Variants in SPON1 observed in about 807,000 individuals in gnomAD.
The protein encoded by SPON1 is spondin-1.
SPON1 carries 52 observed loss-of-function variants against 111.7 expected under a neutral mutation model. That is an observed-to-expected ratio of 0.47 (90% CI 0.37 to 0.59). The LOEUF is 0.59. Ranked by LOEUF, SPON1 falls within the 20% of genes least tolerant of loss-of-function variation. The pLI is 0.00. For missense variants in SPON1, 957 were observed against 1,068.5 expected (o/e 0.90, Z 1.46); for synonymous variants, 410 against 395.8 (o/e 1.04, Z -0.43).
chr11:14,109,833 T>C (rs1246645140), intron 5 of SPON1, among the ~76,000 whole-genome samples: 1 of 152,060 alleles, frequency 6.6e-6, no homozygotes, highest in African/African-American at 2.4e-5. Context: ...CTTCTGAGAA[T>C]AAAGGAGGAA....
chr11:14,169,557 A>T (rs1848072246), intron 6 of SPON1, among the ~76,000 whole-genome samples: 1 of 151,330 alleles, frequency 6.6e-6, no homozygotes, highest in Non-Finnish European at 1.5e-5. Flanking sequence ...GGTGTTTTAG[A>T]CATGAAGTCC....
intron 2 of SPON1, among the ~76,000 whole-genome samples, chr11:13,997,170 C>T (rs1554911898): frequency 6.6e-6 from 1 of 152,094 alleles, no homozygotes; most frequent in Non-Finnish European, 1.5e-5. Context: ...CTGGAGGCAG[C>T]CGTTTGGGTT....
intron 2 of SPON1, among the ~76,000 whole-genome samples, chr11:14,017,016 G>A (rs530448358): frequency 4.6e-5 from 7 of 152,112 alleles, no homozygotes; most frequent in Non-Finnish European, 8.8e-5. Context: ...AGATTGCTAC[G>A]GTGTAAGGGA....
chr11:14,037,716 GA>G (rs1163266358), intron 2 of SPON1, among the ~76,000 whole-genome samples: 9 of 152,110 alleles, frequency 5.9e-5, no homozygotes, highest in Admixed American at 2.6e-4. Flanking sequence ...ATCCATGAAA[GA>G]AATAATTGAT....
intron 4 of SPON1, among the ~76,000 whole-genome samples, chr11:14,077,626 T>G (rs1371128201): frequency 6.6e-6 from 1 of 151,562 alleles, no homozygotes; most frequent in African/African-American, 2.4e-5. Flanking sequence ...TGGGGTTTCA[T>G]CTCTACTAAA....
chr11:14,260,553 C>A (rs1554941805), intron 13 of SPON1, 35 bp from the exon 14 acceptor site: 1 of 1,598,852 alleles, frequency 6.3e-7, no homozygotes. Context: ...ACAAAAGGAA[C>A]CTGTTCTCAG....
chr11:14,215,896 A>C (rs1044061145), intron 6 of SPON1, among the ~76,000 whole-genome samples: 7 of 152,192 alleles, frequency 4.6e-5, no homozygotes, highest in African/African-American at 1.7e-4. Flanking sequence ...GGAAAGGGAA[A>C]ATGAGAATTG....
At chr11:14,203,078 T>C (rs562627957) in intron 6 of SPON1, among the ~76,000 whole-genome samples, 1 of 152,222 alleles carries the variant, frequency 6.6e-6, no homozygotes, top group East Asian at 1.9e-4. Flanking sequence ...GGGCGCAAGA[T>C]GTCCTGATTT....
chr11:14,180,381 G>C (rs1388142738), intron 6 of SPON1, among the ~76,000 whole-genome samples: 2 of 152,096 alleles, frequency 1.3e-5, no homozygotes, highest in East Asian at 3.9e-4. Flanking sequence ...CCTTTGCTTT[G>C]GCAATACTGG....
intron 2 of SPON1, among the ~76,000 whole-genome samples, chr11:14,024,539 T>C (rs967722619): frequency 2.0e-5 from 3 of 152,148 alleles, no homozygotes; most frequent in Non-Finnish European, 4.4e-5. Flanking sequence ...GAGTCCGCAT[T>C]GTTCCACCAT....
chr11:13,982,669 G>A (rs1481020262), intron 1 of SPON1, among the ~76,000 whole-genome samples, 178 bp from the exon 2 acceptor site: 2 of 152,184 alleles, frequency 1.3e-5, no homozygotes, highest in Non-Finnish European at 2.9e-5. Flanking sequence ...AAATGTAAGA[G>A]GGAGCTGGGT....
intron 5 of SPON1, among the ~76,000 whole-genome samples, chr11:14,099,151 A>C (rs1296493238): frequency 3.3e-5 from 5 of 152,114 alleles, no homozygotes; most frequent in African/African-American, 1.2e-4. Context: ...CAGTTTTAGA[A>C]TTTTACTTTT....
At chr11:14,202,298 G>A (rs921338765) in intron 6 of SPON1, among the ~76,000 whole-genome samples, 1 of 152,174 alleles carries the variant, frequency 6.6e-6, no homozygotes, top group Non-Finnish European at 1.5e-5. Flanking sequence ...GACGCAGGAC[G>A]CTATTTGCCT....
intron 5 of SPON1, among the ~76,000 whole-genome samples, chr11:14,086,722 T>C (rs1182279030): frequency 6.6e-6 from 1 of 152,240 alleles, no homozygotes; most frequent in Non-Finnish European, 1.5e-5. Context: ...GAAGGAATGG[T>C]ACCAACTCCT....
intron 3 of SPON1, among the ~76,000 whole-genome samples, chr11:14,068,197 T>C (rs986397977): frequency 3.4e-4 from 52 of 152,312 alleles, no homozygotes; most frequent in African/African-American, 1.1e-3. Flanking sequence ...TGACAAGTTA[T>C]ATGATGAAGT....
chr11:14,040,195 G>T (rs996316050), intron 2 of SPON1, among the ~76,000 whole-genome samples: 2 of 152,116 alleles, frequency 1.3e-5, no homozygotes, highest in African/African-American at 2.4e-5. Context: ...GCAGCATGAG[G>T]TTCTTCATTA....
chr11:14,217,670 G>A (rs140227236), intron 6 of SPON1, among the ~76,000 whole-genome samples: 3 of 151,774 alleles, frequency 2.0e-5, no homozygotes, highest in African/African-American at 7.3e-5. Flanking sequence ...AAAGACTTGT[G>A]TTTAAATATA....
At chr11:14,120,192 T>G (rs1439653107) in intron 5 of SPON1, among the ~76,000 whole-genome samples, 2 of 152,166 alleles carry the variant, frequency 1.3e-5, no homozygotes, top group East Asian at 3.8e-4. Context: ...AATAACAATA[T>G]GTAAGCATAT....
chr11:14,188,190 G>A (rs782245577), intron 6 of SPON1, among the ~76,000 whole-genome samples: 1 of 152,146 alleles, frequency 6.6e-6, no homozygotes. Flanking sequence ...TTACAGGTCT[G>A]AGCCACTGTG....
Sources: gnomAD v4.1 joint callset for allele counts (sites outside exome capture counted in the v4.1 genomes callset) on GRCh38, gnomAD v4.1.1 for gene constraint, MANE v1.5 for transcripts, NCBI Gene and HGNC (gene_info 2026-07-23, HGNC 2026-07-21) for gene names.